The following RBFOX1 variants were observed in gnomAD, a reference collection of about 807,000 sequenced individuals.
RBFOX1 encodes the protein RNA binding protein fox-1 homolog 1.
RBFOX1 carries 8 observed loss-of-function variants against 57.7 expected under a neutral mutation model. That is an observed-to-expected ratio of 0.14 (90% confidence interval 0.08 to 0.25). The LOEUF (loss-of-function observed/expected upper bound fraction) is 0.25, where lower values mean the gene tolerates loss of function less well. RBFOX1 is among the 10% of genes least tolerant of loss of function. RBFOX1 has a pLI of 1.00. For missense variants in RBFOX1, 611 were observed against 548.5 expected, an observed-to-expected ratio of 1.11 and a Z score of -1.14; for synonymous variants, 326 against 222.4, an observed-to-expected ratio of 1.47 and a Z score of -4.15.
intron 15 of RBFOX1, chr16:7,710,369 T>G: frequency 7.4e-7 from 1 of 1,346,430 alleles, no homozygotes; most frequent in South Asian, 1.9e-5. Flanking sequence ...TTGTCCAGCT[T>G]ATAATAGAGT....
At chr16:5,986,485 A>T (rs925871186) in intron 4 of RBFOX1, among the ~76,000 whole-genome samples, 3 of 152,224 alleles carry the variant, frequency 2.0e-5, no homozygotes, top group African/African-American at 7.2e-5. Context: ...ATATCTTAAG[A>T]TATCGAATCA....
At chr16:7,168,901 C>A (rs531930487) in intron 4 of RBFOX1, among the ~76,000 whole-genome samples, 90 of 151,970 alleles carry the variant, frequency 5.9e-4, no homozygotes, top group African/African-American at 2.1e-3. Context: ...GTCTTAACTC[C>A]ATTTCTTAAT....
chr16:7,468,625 G>T (rs965874614), intron 4 of RBFOX1, among the ~76,000 whole-genome samples: 1 of 152,104 alleles, frequency 6.6e-6, no homozygotes, highest in Non-Finnish European at 1.5e-5. Flanking sequence ...TTAGGAATCT[G>T]GGGAACTTAT....
chr16:6,607,581 G>C (rs9931079), intron 2 of RBFOX1, among the ~76,000 whole-genome samples: 41,077 of 146,804 alleles, frequency 0.28, 5,930 homozygotes, highest in East Asian at 0.42. Context: ...TCTCCGTCCT[G>C]TCTCCCTCCT....
At chr16:5,433,189 C>T (rs761275028) in intron 1 of RBFOX1, among the ~76,000 whole-genome samples, 3 of 152,274 alleles carry the variant, frequency 2.0e-5, no homozygotes, top group Admixed American at 1.3e-4. Flanking sequence ...GGCTGAGGCC[C>T]ATGTTTTTCT....
intron 3 of RBFOX1, among the ~76,000 whole-genome samples, chr16:5,627,783 T>G (rs919611904): frequency 1.3e-5 from 2 of 152,198 alleles, no homozygotes; most frequent in African/African-American, 4.8e-5. Context: ...TTATAAGTAA[T>G]CAAAGATGAT....
intron 4 of RBFOX1, among the ~76,000 whole-genome samples, chr16:7,173,210 C>T (rs73554358): frequency 0.012 from 1,765 of 152,136 alleles, 24 homozygotes; most frequent in African/African-American, 0.041. Context: ...TAAAGAAAAA[C>T]ATCACTACTT....
chr16:5,634,943 C>G (rs1026648022), intron 3 of RBFOX1, among the ~76,000 whole-genome samples: 1 of 152,162 alleles, frequency 6.6e-6, no homozygotes, highest in Admixed American at 6.5e-5. Context: ...GATCATGCAC[C>G]TTCCCCTATA....
chr16:7,449,732 G>GC (rs2098836710), intron 4 of RBFOX1, among the ~76,000 whole-genome samples: 1 of 138,434 alleles, frequency 7.2e-6, no homozygotes, highest in African/African-American at 2.6e-5. Context: ...GTGTGTGTGG[G>GC]GGGGGGGGGT....
chr16:5,813,051 C>A (rs34203786), intron 3 of RBFOX1, among the ~76,000 whole-genome samples: 93,799 of 148,626 alleles, frequency 0.63, 30,070 homozygotes, highest in South Asian at 0.72. Flanking sequence ...TCTGTCACCC[C>A]GGCTGCAGTG....
intron 4 of RBFOX1, among the ~76,000 whole-genome samples, chr16:7,506,292 T>A (rs1214041749): frequency 6.7e-6 from 1 of 149,666 alleles, no homozygotes; most frequent in Non-Finnish European, 1.5e-5. Flanking sequence ...TGAATTCATC[T>A]CCAAGTATTT....
At chr16:7,058,216 A>T (rs946008807) in intron 4 of RBFOX1, among the ~76,000 whole-genome samples, 8 of 152,278 alleles carry the variant, frequency 5.3e-5, no homozygotes, top group Admixed American at 4.6e-4. Context: ...GGAATCACTT[A>T]GAAAGTTACT....
chr16:6,877,571 G>A (rs1019232865), intron 3 of RBFOX1, among the ~76,000 whole-genome samples: 7 of 152,130 alleles, frequency 4.6e-5, no homozygotes, highest in African/African-American at 1.7e-4. Context: ...CACAGCCCCA[G>A]AGTCTTGTGT....
rs151177772 is a variant in RBFOX1, at chr16:6,824,983, G to GTTTTTTTTTTTTTTTTTTTTTTTTTT, written c.-16+170339_-16+170364dup. ...GGATTTCTTTTTTCTTTCTTTCTTG[G>GTTTTTTTTTTTTTTTTTTTTTTTTTT]TTTTTTTTTTTTTTTTTTTTTTTTT... On this transcript the variant is annotated intron_variant, in intron 3 of 15. Transcript: ENST00000550418. Among the ~76,000 whole-genome samples, 24 of 36,912 alleles carry GTTTTTTTTTTTTTTTTTTTTTTTTTT rather than the reference G, an allele frequency of 6.5e-4. 6 individuals carry two copies. The highest frequency in any genetic ancestry group is 1.1e-3 in the Non-Finnish European group (19 of 16,932). The allele number at this position is 36,912 out of a possible 152,430, so 24.2% of individuals were successfully genotyped here.
intron 10 of RBFOX1, among the ~76,000 whole-genome samples, chr16:7,620,938 A>C (rs2059219230): frequency 1.3e-5 from 2 of 152,132 alleles, no homozygotes; most frequent in South Asian, 4.1e-4. Context: ...GGGCACTGTC[A>C]ATATTAGCTG....
intron 4 of RBFOX1, among the ~76,000 whole-genome samples, chr16:7,314,973 G>A (rs1480724937): frequency 6.6e-6 from 1 of 152,118 alleles, no homozygotes; most frequent in Admixed American, 6.6e-5. Flanking sequence ...GCCACAGAAA[G>A]CTCTAATTTT....
intron 4 of RBFOX1, among the ~76,000 whole-genome samples, chr16:7,232,291 A>G (rs1432850563): frequency 2.0e-5 from 3 of 152,186 alleles, no homozygotes; most frequent in African/African-American, 7.2e-5. Flanking sequence ...CCACCACAAC[A>G]AAAACCATGG....
At chr16:5,365,665 C>T (rs1387147840) in intron 1 of RBFOX1, 1 of 337,102 alleles carries the variant, frequency 3.0e-6, no homozygotes, top group African/African-American at 2.2e-5. Context: ...AAGACCCTGT[C>T]TCAGTAAATA....
At chr16:6,074,527 C>A (rs550605008) in intron 1 of RBFOX1, among the ~76,000 whole-genome samples, 3 of 152,140 alleles carry the variant, frequency 2.0e-5, no homozygotes, top group Non-Finnish European at 2.9e-5. Flanking sequence ...ATCTATGATG[C>A]TTGTTAAAGA....
Sources: gnomAD v4.1 joint callset for allele counts (sites outside exome capture counted in the v4.1 genomes callset) on GRCh38, gnomAD v4.1.1 for gene constraint, MANE v1.5 for transcripts, NCBI Gene and HGNC (gene_info 2026-07-23, HGNC 2026-07-21) for gene names.